The following SFMBT2 variants were observed in gnomAD, a reference collection of about 807,000 sequenced individuals.
SFMBT2 encodes the protein Scm like with four mbt domains 2.
In SFMBT2, 38 loss-of-function variants were observed where a neutral mutation model predicts 110.1. That is an observed-to-expected ratio of 0.35 (90% CI 0.27 to 0.45). The LOEUF (loss-of-function observed/expected upper bound fraction) is 0.45, where lower values mean the gene tolerates loss of function less well. Among genes scored for constraint, SFMBT2 ranks in the 20% least tolerant of loss-of-function variants. The probability of loss-of-function intolerance (pLI) is 1.00; values close to 1 mark genes in which losing one functional copy is unlikely to be tolerated. For missense variants in SFMBT2, 1,011 were observed against 1,094.9 expected (o/e 0.92, Z 1.08); for synonymous variants, 425 against 425.4 (o/e 1.00, Z 0.01).
rs1407600201 is a variant in SFMBT2 at position 7,370,275 on chromosome 10, A to G, written c.195+6T>C. 6.2e-7 allele frequency: 1 copy of G among 1,611,804 alleles called. No individual in the cohort carries two copies. The highest frequency in any genetic ancestry group is 8.5e-7 in the Non-Finnish European group (1 of 1,177,964). ...ACACAGAGAAGACACAAGCTGCTTT[A>G]CATACGTGTTTGAATGATGTGTGGG... is the stretch of plus-strand genomic sequence containing the variant. On this transcript the variant is annotated splice_donor_region_variant and intron_variant, in intron 3 of 20. Transcript: ENST00000397167.
intron 4 of SFMBT2, among the ~76,000 whole-genome samples, chr10:7,300,937 GCTGA>G (rs1488739210): frequency 6.6e-6 from 1 of 152,180 alleles, no homozygotes; most frequent in Non-Finnish European, 1.5e-5. Flanking sequence ...AAACACACAG[GCTGA>G]CTGTTTTCCT....
chr10:7,229,955 G>A (rs977191174), intron 9 of SFMBT2, among the ~76,000 whole-genome samples: 12 of 151,588 alleles, frequency 7.9e-5, no homozygotes. Flanking sequence ...CTGACCTTAT[G>A]ATCCACCCAC....
intron 2 of SFMBT2, chr10:7,370,880 A>AGT (rs968328767): frequency 1.2e-6 from 1 of 812,520 alleles, no homozygotes; most frequent in African/African-American, 1.9e-5. Flanking sequence ...GAATTGCTCG[A>AGT]GTGTGTGGGG....
intron 4 of SFMBT2, among the ~76,000 whole-genome samples, chr10:7,288,549 T>C (rs905324890): frequency 6.6e-6 from 1 of 152,182 alleles, no homozygotes; most frequent in African/African-American, 2.4e-5. Context: ...GCTACACCCT[T>C]TTTAAAAGTG....
At chr10:7,218,298 A>C (rs1839610074) in intron 11 of SFMBT2, among the ~76,000 whole-genome samples, 1 of 152,240 alleles carries the variant, frequency 6.6e-6, no homozygotes, top group Admixed American at 6.5e-5. Context: ...AACTGAAATA[A>C]TGAGAGCTAA....
chr10:7,161,892 G>C lies in SFMBT2; in HGVS notation c.*1878C>G, dbSNP rs1837559208. 1 of 152,216 alleles carries C rather than the reference G, an allele frequency of 6.6e-6. No individual in the cohort carries two copies. Among genetic ancestry groups the C allele is most frequent in the African/African-American group, 2.4e-5 (1 of 41,452 alleles). The allele number at this position is 152,216 out of a possible 1,614,324, so 9.4% of individuals were successfully genotyped here. ...ACCGCAGAATTTTACTGGAACTGTG[G>C]AGACTCTAGTCCAAGGGACGAGCTC... On this transcript the variant is annotated 3_prime_UTR_variant, in exon 21 of 21. Coordinates refer to ENST00000397167, the MANE Select transcript of SFMBT2 (RefSeq NM_001387889.1).
chr10:7,205,404 A>G, intron 12 of SFMBT2: 2 of 985,198 alleles, frequency 2.0e-6, no homozygotes. Flanking sequence ...TTAAGTGTTT[A>G]TAAGAATGTC....
chr10:7,327,611 A>T (rs1422059418), intron 4 of SFMBT2, among the ~76,000 whole-genome samples: 1 of 150,700 alleles, frequency 6.6e-6, no homozygotes, highest in Non-Finnish European at 1.5e-5. Context: ...AAGTCAGGAG[A>T]TGGAGGTTAC....
intron 7 of SFMBT2, among the ~76,000 whole-genome samples, chr10:7,254,080 T>G (rs1311257696): frequency 6.6e-6 from 1 of 152,184 alleles, no homozygotes; most frequent in African/African-American, 2.4e-5. Context: ...TTAAAAAACA[T>G]GAAAGATATC....
intron 4 of SFMBT2, among the ~76,000 whole-genome samples, chr10:7,312,101 T>C (rs1340585190): frequency 6.6e-6 from 1 of 151,914 alleles, no homozygotes; most frequent in African/African-American, 2.4e-5. Flanking sequence ...GGAGGAGGGA[T>C]AGCATTAGGA....
chr10:7,184,036 C>G (rs1838322684), intron 16 of SFMBT2, among the ~76,000 whole-genome samples: 1 of 152,208 alleles, frequency 6.6e-6, no homozygotes, highest in Non-Finnish European at 1.5e-5. Flanking sequence ...TTTTTCCTCA[C>G]TGATATCAAT....
chr10:7,269,050 A>T (rs373879554), intron 7 of SFMBT2, among the ~76,000 whole-genome samples: 1,233 of 10,522 alleles, frequency 0.12, 12 homozygotes, highest in African/African-American at 0.18. Flanking sequence ...CGTCTTCAAG[A>T]AAAAAAAAGT....
chr10:7,294,873 A>C (rs1842359203), intron 4 of SFMBT2, among the ~76,000 whole-genome samples: 1 of 152,142 alleles, frequency 6.6e-6, no homozygotes, highest in Admixed American at 6.5e-5. Context: ...ACTCATCATC[A>C]GTGCTGTTTA....
intron 9 of SFMBT2, among the ~76,000 whole-genome samples, chr10:7,240,044 T>C (rs1171313946): frequency 2.0e-5 from 3 of 152,158 alleles, no homozygotes; most frequent in Admixed American, 1.3e-4. Context: ...TTTTTAATAA[T>C]ATGTGTTACC....
At chr10:7,262,708 G>A (rs369753122) in intron 7 of SFMBT2, among the ~76,000 whole-genome samples, 3 of 152,204 alleles carry the variant, frequency 2.0e-5, no homozygotes, top group African/African-American at 7.2e-5. Context: ...AAGCAGCTGC[G>A]ATGGCGAACT....
chr10:7,348,332 T>C, intron 4 of SFMBT2: 2 of 1,526,662 alleles, frequency 1.3e-6, no homozygotes, highest in Non-Finnish European at 1.8e-6. Flanking sequence ...CATCACTCTC[T>C]ACTACAAAAA....
chr10:7,364,424 G>C (rs534467283), intron 4 of SFMBT2, among the ~76,000 whole-genome samples: 169 of 152,184 alleles, frequency 1.1e-3, no homozygotes, highest in Non-Finnish European at 1.2e-3. Flanking sequence ...TGGTGTTTCT[G>C]AGAGTGTGTG....
chr10:7,248,708 T>C (rs1311654771), intron 7 of SFMBT2, 59 bp from the exon 8 acceptor site: 10 of 1,478,798 alleles, frequency 6.8e-6, no homozygotes, highest in African/African-American at 2.8e-5. Flanking sequence ...CCTCAGCCAC[T>C]GTCCGGATGC....
chr10:7,375,644 C>T (rs1038987277), intron 2 of SFMBT2, among the ~76,000 whole-genome samples: 2 of 152,046 alleles, frequency 1.3e-5, no homozygotes, highest in African/African-American at 4.8e-5. Context: ...TCTGAGCTCA[C>T]AACTGCAGAG....
Sources: gnomAD v4.1 joint callset for allele counts (sites outside exome capture counted in the v4.1 genomes callset) on GRCh38, gnomAD v4.1.1 for gene constraint, MANE v1.5 for transcripts, NCBI Gene and HGNC (gene_info 2026-07-23, HGNC 2026-07-21) for gene names.